Variants in CDC42SE2 observed in about 807,000 individuals in gnomAD.
CDC42SE2 encodes CDC42 small effector protein 2.
In CDC42SE2, 3 loss-of-function variants were observed where a neutral mutation model predicts 11.5. The observed-to-expected ratio is 0.26, with a 90% CI of 0.12 to 0.67. The LOEUF is 0.67. Among genes scored for constraint, CDC42SE2 ranks in the 30% least tolerant of loss-of-function variants. The probability of loss-of-function intolerance (pLI) is 0.80; values close to 1 mark genes in which losing one functional copy is unlikely to be tolerated. For missense variants in CDC42SE2, 82 were observed against 106.8 expected (o/e 0.77, Z 1.02); for synonymous variants, 33 against 34.8 (o/e 0.95, Z 0.18).
upstream of CDC42SE2, among the ~76,000 whole-genome samples, chr5:131,263,457 G>A (rs983989325): frequency 4.6e-5 from 7 of 152,202 alleles, no homozygotes; most frequent in African/African-American, 1.7e-4. Context: ...AGGAATCACA[G>A]AAGTCTAGTA....
chr5:131,309,422 C>G (rs1371379296), intron 1 of CDC42SE2, among the ~76,000 whole-genome samples: 1 of 152,088 alleles, frequency 6.6e-6, no homozygotes, highest in Non-Finnish European at 1.5e-5. Flanking sequence ...TTGGTTGTGT[C>G]TCTGCGCGGC....
At chr5:131,367,657 C>A (rs559426753) in intron 3 of CDC42SE2, among the ~76,000 whole-genome samples, 42 of 152,262 alleles carry the variant, frequency 2.8e-4, no homozygotes, top group African/African-American at 1.0e-3. Context: ...CATGCCTGTT[C>A]ATGTCTTTTG....
intron 1 of CDC42SE2, among the ~76,000 whole-genome samples, chr5:131,296,799 C>T (rs1250298378): frequency 1.3e-5 from 2 of 152,064 alleles, no homozygotes; most frequent in Non-Finnish European, 2.9e-5. Flanking sequence ...TATGTTGCTT[C>T]TCTATAGTAG....
chr5:131,290,080 A>G (rs1757424731), intron 1 of CDC42SE2, among the ~76,000 whole-genome samples: 1 of 151,534 alleles, frequency 6.6e-6, no homozygotes, highest in African/African-American at 2.4e-5. Flanking sequence ...CTCCTGGCCT[A>G]AAGTGATCCT....
At chr5:131,347,415 A>T (rs10050573) in intron 2 of CDC42SE2, among the ~76,000 whole-genome samples, 3 of 151,952 alleles carry the variant, frequency 2.0e-5, no homozygotes, top group Non-Finnish European at 4.4e-5. Context: ...TGGATAAATT[A>T]CTCGACACAT....
rs1288026899 is a variant in CDC42SE2 at position 131,342,388 on chromosome 5, C to T, written c.-285-16821C>T. Among the ~76,000 whole-genome samples the T allele has an allele frequency of 3.9e-4, 43 of 111,292 alleles. 1 individual carries two copies. Among genetic ancestry groups the T allele is most frequent in the African/African-American group, 1.5e-3 (34 of 22,556 alleles). The allele number at this position is 111,292 out of a possible 152,430, so 73.0% of individuals were successfully genotyped here. ...TCAGAGATTTGCCATTTTTAATAGTCTTTTTTTTTTTTTTTTTTTAAGATA... is the reference window on the plus strand; with the variant it reads ...TCAGAGATTTGCCATTTTTAATAGTTTTTTTTTTTTTTTTTTTTTAAGATA... On this transcript the variant is annotated intron_variant, in intron 2 of 4. Coordinates refer to ENST00000505065, the MANE Select transcript of CDC42SE2 (RefSeq NM_001375635.1).
chr5:131,242,513 T>C (rs778305261), upstream of CDC42SE2, among the ~76,000 whole-genome samples: 2 of 152,182 alleles, frequency 1.3e-5, no homozygotes, highest in Non-Finnish European at 2.9e-5. Context: ...CTTTTTTTCA[T>C]GCAATCTTTT....
intron 1 of CDC42SE2, among the ~76,000 whole-genome samples, chr5:131,249,384 A>C (rs769190882): frequency 6.6e-6 from 1 of 152,184 alleles, no homozygotes; most frequent in Non-Finnish European, 1.5e-5. Flanking sequence ...TTTATTATGA[A>C]ACTAAAATTA....
At chr5:131,342,090 G>C (rs1758723492) in intron 2 of CDC42SE2, among the ~76,000 whole-genome samples, 1 of 151,772 alleles carries the variant, frequency 6.6e-6, no homozygotes, top group African/African-American at 2.4e-5. Flanking sequence ...GACCATCCTG[G>C]CCAACATGGT....
intron 2 of CDC42SE2, among the ~76,000 whole-genome samples, chr5:131,321,724 C>G (rs571577804): frequency 1.1e-4 from 16 of 151,732 alleles, no homozygotes; most frequent in Admixed American, 4.6e-4. Context: ...TCTTCCCCCC[C>G]GCCAAAATCA....
At chr5:131,384,827 A>G (rs1750430105) in intron 3 of CDC42SE2, among the ~76,000 whole-genome samples, 1 of 151,554 alleles carries the variant, frequency 6.6e-6, no homozygotes, top group Non-Finnish European at 1.5e-5. Flanking sequence ...GCGTGCCTGT[A>G]ATCCCAGCTA....
chr5:131,296,894 T>A (rs972799862), intron 1 of CDC42SE2, among the ~76,000 whole-genome samples: 4 of 152,116 alleles, frequency 2.6e-5, no homozygotes, highest in Admixed American at 6.5e-5. Context: ...CTTTCTTTTT[T>A]TTATTGAAGA....
chr5:131,295,980 C>T (rs1413539953), intron 1 of CDC42SE2, among the ~76,000 whole-genome samples: 1 of 152,156 alleles, frequency 6.6e-6, no homozygotes, highest in Non-Finnish European at 1.5e-5. Flanking sequence ...CCACCGCACC[C>T]GGCCAACACA....
rs34496996 is a variant in CDC42SE2, at chr5:131,266,954, CTTTTTTTTTTT to C, written c.-455+2800_-455+2810del. ...TGATGTGTTAAGTAAAAGTGTTTGG[CTTTTTTTTTTT>C]TTTTTTTTTTTCGGATAAGCACATC... On this transcript the variant is annotated intron_variant, in intron 1 of 4. Coordinates refer to ENST00000505065, the MANE Select transcript of CDC42SE2 (RefSeq NM_001375635.1). 1.6e-3 allele frequency among the ~76,000 whole-genome samples: 109 copies of C among 69,554 alleles called. No individual in the cohort carries two copies. In the South Asian group the frequency reaches 0.019, roughly 12 times the overall value. The allele number at this position is 69,554 out of a possible 152,430, so 45.6% of individuals were successfully genotyped here. A position where few individuals can be genotyped will look rare whatever the true frequency, so the allele number is the denominator to read the frequency against.
upstream of CDC42SE2, among the ~76,000 whole-genome samples, chr5:131,242,197 G>T (rs531289198): frequency 6.6e-6 from 1 of 152,206 alleles, no homozygotes; most frequent in East Asian, 1.9e-4. Context: ...TCTAAAGGAC[G>T]GGTAGTAGTT....
the CDC42SE2 span, among the ~76,000 whole-genome samples, chr5:131,219,669 G>T: frequency 6.6e-6 from 1 of 152,192 alleles, no homozygotes; most frequent in African/African-American, 2.4e-5. Context: ...AGGCATGGTG[G>T]CCCATTCCTA....
chr5:131,225,671 C>G, the CDC42SE2 span, among the ~76,000 whole-genome samples: 1 of 152,148 alleles, frequency 6.6e-6, no homozygotes, highest in Non-Finnish European at 1.5e-5. Context: ...GTCAGTCTCC[C>G]CTTGCATGAA....
intron 3 of CDC42SE2, among the ~76,000 whole-genome samples, chr5:131,367,937 T>A (rs1279952268): frequency 6.6e-6 from 1 of 152,106 alleles, no homozygotes; most frequent in Non-Finnish European, 1.5e-5. Flanking sequence ...TGGGGAACCC[T>A]CTGTCCCACA....
At chr5:131,296,293 C>CT (rs1003679558) in intron 1 of CDC42SE2, among the ~76,000 whole-genome samples, 4 of 152,058 alleles carry the variant, frequency 2.6e-5, no homozygotes, top group Non-Finnish European at 4.4e-5. Context: ...ATTTGTGTGA[C>CT]TTTTTTTGCT....
Sources: gnomAD v4.1 joint callset for allele counts (sites outside exome capture counted in the v4.1 genomes callset) on GRCh38, gnomAD v4.1.1 for gene constraint, MANE v1.5 for transcripts, NCBI Gene and HGNC (gene_info 2026-07-23, HGNC 2026-07-21) for gene names.